Variants in AGBL1 observed in about 807,000 individuals in gnomAD.
The protein encoded by AGBL1 is AGBL carboxypeptidase 1, also known as cytosolic carboxypeptidase 4.
AGBL1 carries 130 observed loss-of-function variants against 118.9 expected under a neutral mutation model. That is an observed-to-expected ratio of 1.09 (90% CI 0.95 to 1.26). The LOEUF is 1.26. Ranked by LOEUF, AGBL1 falls within the 50% of genes most tolerant of loss-of-function variation. The pLI is 0.00. For synonymous variants in AGBL1, 555 were observed against 478.9 expected (o/e 1.16, Z -2.08); for missense variants, 1,584 against 1,298.1 (o/e 1.22, Z -3.38).
intron 17 of AGBL1, among the ~76,000 whole-genome samples, chr15:86,364,802 G>C (rs756993808): frequency 9.8e-4 from 149 of 151,362 alleles, no homozygotes; most frequent in Non-Finnish European, 1.5e-3. Flanking sequence ...CAACCTGGTA[G>C]GGTCTTCATT....
At chr15:86,798,961 C>T (rs1226425461) in intron 22 of AGBL1, among the ~76,000 whole-genome samples, 1 of 151,842 alleles carries the variant, frequency 6.6e-6, no homozygotes, top group Non-Finnish European at 1.5e-5. Flanking sequence ...ATTTGGCATT[C>T]TGAGGAAAAT....
At chr15:86,337,903 A>C (rs2080399256) in intron 17 of AGBL1, among the ~76,000 whole-genome samples, 1 of 152,198 alleles carries the variant, frequency 6.6e-6, no homozygotes, top group Non-Finnish European at 1.5e-5. Context: ...AGAAAGATGC[A>C]TGTAGGGTAT....
intron 21 of AGBL1, among the ~76,000 whole-genome samples, chr15:86,575,529 T>A (rs2084078278): frequency 6.6e-6 from 1 of 152,028 alleles, no homozygotes; most frequent in Admixed American, 6.6e-5. Context: ...TAAATAAAAA[T>A]TTGAAAATAA....
chr15:86,490,341 G>T (rs866661420), intron 18 of AGBL1, among the ~76,000 whole-genome samples: 4 of 152,164 alleles, frequency 2.6e-5, no homozygotes, highest in South Asian at 2.1e-4. Flanking sequence ...GGGACCTCTT[G>T]TACCTGTAGG....
intron 17 of AGBL1, among the ~76,000 whole-genome samples, chr15:86,366,589 T>C (rs2141933431): frequency 6.6e-6 from 1 of 152,294 alleles, no homozygotes. Flanking sequence ...TGTGCATCTA[T>C]CCTGGCATCA....
rs1442715843 is a variant in AGBL1, at chr15:86,700,498, CACACACACACACAA to C, written c.3158+26064_3158+26077del. On this transcript the variant is annotated intron_variant, in intron 22 of 22. Coordinates refer to ENST00000614907, the MANE Select transcript of AGBL1 (RefSeq NM_001386094.1). ...ACACACACACACACACACACACACACACACACACACACAAAATCTCTCTTGAAGTGGTCTTTCTC... is the reference window on the plus strand; with the variant it reads ...ACACACACACACACACACACACACACAATCTCTCTTGAAGTGGTCTTTCTC... 3.3e-3 allele frequency among the ~76,000 whole-genome samples: 425 copies of C among 129,410 alleles called. 4 individuals carry two copies. Among genetic ancestry groups the C allele is most frequent in the South Asian group, 0.023 (80 of 3,416 alleles). The allele number at this position is 129,410 out of a possible 152,430, so 84.9% of individuals were successfully genotyped here. A position where few individuals can be genotyped will look rare whatever the true frequency, so the allele number is the denominator to read the frequency against.
chr15:86,511,764 A>G (rs1032957320), intron 18 of AGBL1, among the ~76,000 whole-genome samples: 3 of 151,964 alleles, frequency 2.0e-5, no homozygotes, highest in Admixed American at 6.6e-5. Flanking sequence ...GGTGATTGGG[A>G]GGAAGAACAG....
intron 24 of AGBL1, among the ~76,000 whole-genome samples, chr15:87,009,940 C>G (rs2081541558): frequency 6.6e-6 from 1 of 152,154 alleles, no homozygotes; most frequent in African/African-American, 2.4e-5. Context: ...ATTTTACATG[C>G]TCATATGCAG....
At chr15:86,902,544 T>G (rs115759430) in intron 22 of AGBL1, among the ~76,000 whole-genome samples, 1,904 of 152,264 alleles carry the variant, frequency 0.013, 40 homozygotes, top group African/African-American at 0.043. Context: ...TTCTTTTTAT[T>G]ATTTATGTTT....
intron 17 of AGBL1, among the ~76,000 whole-genome samples, chr15:86,343,946 A>G (rs1408073518): frequency 2.0e-5 from 3 of 152,140 alleles, no homozygotes; most frequent in Admixed American, 1.3e-4. Context: ...ATCACTCCAC[A>G]GTTTCTGATA....
chr15:86,322,005 C>T (rs924915323), intron 17 of AGBL1, among the ~76,000 whole-genome samples: 10 of 151,272 alleles, frequency 6.6e-5, no homozygotes, highest in Admixed American at 6.6e-4. Context: ...TTATTGTAAG[C>T]AGAGAATGTT....
chr15:86,816,243 A>G (rs956591378), intron 22 of AGBL1, among the ~76,000 whole-genome samples: 2 of 152,248 alleles, frequency 1.3e-5, no homozygotes, highest in African/African-American at 4.8e-5. Flanking sequence ...TCACAAAGGT[A>G]AAAGGACCAA....
intron 23 of AGBL1, among the ~76,000 whole-genome samples, chr15:86,929,452 C>G (rs2080580770): frequency 6.6e-6 from 1 of 152,200 alleles, no homozygotes; most frequent in African/African-American, 2.4e-5. Flanking sequence ...CATTCCCCTC[C>G]AATATCAACT....
intron 17 of AGBL1, among the ~76,000 whole-genome samples, chr15:86,385,679 A>G (rs896885547): frequency 3.9e-5 from 6 of 152,154 alleles, no homozygotes; most frequent in Non-Finnish European, 8.8e-5. Context: ...ATGATATCCA[A>G]TAAATGTTGA....
At chr15:87,010,587 T>C (rs187555715) in intron 24 of AGBL1, among the ~76,000 whole-genome samples, 1 of 152,362 alleles carries the variant, frequency 6.6e-6, no homozygotes, top group East Asian at 1.9e-4. Flanking sequence ...ACAGGTTCTC[T>C]GGCCTTTGAA....
intron 22 of AGBL1, among the ~76,000 whole-genome samples, chr15:86,695,504 C>G (rs1338601564): frequency 6.6e-6 from 1 of 151,914 alleles, no homozygotes; most frequent in Non-Finnish European, 1.5e-5. Flanking sequence ...GTTGATCTTG[C>G]TAATGGTCTA....
intron 18 of AGBL1, among the ~76,000 whole-genome samples, chr15:86,427,557 CAAA>C (rs74780280): frequency 8.6e-6 from 1 of 115,838 alleles, no homozygotes. Context: ...TGCATGGTTA[CAAA>C]AAAAAAAAAA....
chr15:86,688,916 A>T (rs528161606), intron 22 of AGBL1, among the ~76,000 whole-genome samples: 1 of 152,238 alleles, frequency 6.6e-6, no homozygotes, highest in Admixed American at 6.6e-5. Context: ...TTCTGTCCCT[A>T]AATATTAGCC....
intron 22 of AGBL1, among the ~76,000 whole-genome samples, chr15:86,735,082 AATTATT>A (rs144524209): frequency 6.0e-5 from 9 of 150,792 alleles, no homozygotes; most frequent in Admixed American, 4.6e-4. Context: ...TTATAATAAT[AATTATT>A]ATTATTATTT....
Sources: gnomAD v4.1 joint callset for allele counts (sites outside exome capture counted in the v4.1 genomes callset) on GRCh38, gnomAD v4.1.1 for gene constraint, MANE v1.5 for transcripts, NCBI Gene and HGNC (gene_info 2026-07-23, HGNC 2026-07-21) for gene names.